Variants in FRMPD2 observed in about 807,000 individuals in gnomAD.
The protein encoded by FRMPD2 is FERM and PDZ domain-containing protein 2.
Under a neutral mutation model 140.1 loss-of-function variants are expected in FRMPD2, and 96 were observed. That is an observed-to-expected ratio of 0.69 (90% CI 0.58 to 0.81). The LOEUF is 0.81. Among genes scored for constraint, FRMPD2 ranks in the 40% least tolerant of loss-of-function variants. The pLI, the probability that FRMPD2 is intolerant of heterozygous loss-of-function variation, is 0.00. For missense variants in FRMPD2, 1,240 were observed against 1,447.4 expected, an observed-to-expected ratio of 0.86 and a Z score of 2.32; for synonymous variants, 449 against 547.6, an observed-to-expected ratio of 0.82 and a Z score of 2.52.
intron 12 of FRMPD2, among the ~76,000 whole-genome samples, chr10:48,217,718 A>G (rs1839483909): frequency 6.6e-6 from 1 of 152,162 alleles, no homozygotes; most frequent in Admixed American, 6.5e-5. Flanking sequence ...AAAATTTTAC[A>G]ACCCACTGTT....
At chr10:48,256,558 G>T (rs1840494708) in intron 1 of FRMPD2, among the ~76,000 whole-genome samples, 1 of 152,124 alleles carries the variant, frequency 6.6e-6, no homozygotes. Context: ...TAGCGAGATT[G>T]ACAACCCTCT....
intron 8 of FRMPD2, among the ~76,000 whole-genome samples, chr10:48,237,243 G>A (rs1178640929): frequency 6.6e-6 from 1 of 152,142 alleles, no homozygotes; most frequent in Non-Finnish European, 1.5e-5. Context: ...TGTCCCAAGA[G>A]GCCAAAATTC....
chr10:48,180,675 G>A lies in FRMPD2; in HGVS notation c.2790+128C>T, dbSNP rs1201201214. The A allele has an allele frequency of 1.1e-5, 9 of 802,006 alleles. No individual in the cohort carries two copies. In the Admixed American group the frequency reaches 1.3e-4, roughly 12 times the overall value. 49.7% of individuals were successfully genotyped at this position (802,006 alleles called of 1,614,324 possible). A position where few individuals can be genotyped will look rare whatever the true frequency, so the allele number is the denominator to read the frequency against. Reference sequence around the variant, plus strand: ...CAAATGAGGAAGCTGTGGCTCAAAGGGGCTAAGTAACTTCCATCCACCTGA... The same window carrying A: ...CAAATGAGGAAGCTGTGGCTCAAAGAGGCTAAGTAACTTCCATCCACCTGA... On this transcript the variant is annotated intron_variant, in intron 21 of 28. Transcript: ENST00000374201.
At chr10:48,176,746 C>T (rs1838419320) in intron 22 of FRMPD2, among the ~76,000 whole-genome samples, 2 of 151,822 alleles carry the variant, frequency 1.3e-5, no homozygotes, top group South Asian at 4.2e-4. Context: ...AGGCTGTTAC[C>T]CCAAGCCAAG....
At position 48,184,799 on chromosome 10, in the gene FRMPD2, T is replaced by C. The variant is rs1838639333; in HGVS notation, c.2442A>G (p.Ala814=). 1.9e-6 allele frequency: 3 copies of C among 1,613,712 alleles called. No individual in the cohort carries two copies. Among genetic ancestry groups the C allele is most frequent in the Non-Finnish European group, 2.5e-6 (3 of 1,179,864 alleles). ...CTGGTTTGATCGTTTTTGCTTTTTCTGCTGGTCCTCCAGGTATAATAGAAG... is the reference window on the plus strand; with the variant it reads ...CTGGTTTGATCGTTTTTGCTTTTTCCGCTGGTCCTCCAGGTATAATAGAAG... ...FISSIIPGGP[A]EKAKTIKPGG... Residue 814 remains alanine (A), a synonymous_variant, in exon 19 of 29, where the codon GCA becomes GCG. Transcript: ENST00000374201.
rs1588847463 is a variant in FRMPD2 at position 48,238,036 on chromosome 10, C to A, written c.876G>T (p.Trp292Cys). 1.2e-6 allele frequency: 2 copies of A among 1,614,152 alleles called. No individual in the cohort carries two copies. Among genetic ancestry groups the A allele is most frequent in the Non-Finnish European group, 1.7e-6 (2 of 1,180,036 alleles). The change falls in exon 8 of 29, where the codon TGG becomes TGT. Residue 292 changes from tryptophan to cysteine, a missense_variant. Coordinates refer to ENST00000374201, the MANE Select transcript of FRMPD2 (RefSeq NM_001018071.4). The stretch of plus-strand genomic sequence containing the variant: ...AACCCCTCTGAGAAGGAGTTGTTGG[C>A]CATGAGCTGTCTGCTGCCGAGTGCA... Reference protein sequence around the residue: ...GSVHSAADSSWPTTPSQRGFL... With the variant: ...GSVHSAADSSCPTTPSQRGFL...
chr10:48,175,366 G>T (rs1157213354), intron 23 of FRMPD2, among the ~76,000 whole-genome samples: 1 of 152,030 alleles, frequency 6.6e-6, no homozygotes, highest in East Asian at 1.9e-4. Context: ...GAATTCTAGG[G>T]GAAATGGAGA....
intron 1 of FRMPD2, among the ~76,000 whole-genome samples, chr10:48,257,524 C>T (rs1840512508): frequency 1.3e-5 from 2 of 152,284 alleles, no homozygotes; most frequent in South Asian, 2.1e-4. Context: ...AAGTGATCCG[C>T]TCTCCTCAGC....
intron 21 of FRMPD2, among the ~76,000 whole-genome samples, chr10:48,180,434 T>G (rs1191915814): frequency 2.6e-5 from 4 of 152,146 alleles, no homozygotes; most frequent in Admixed American, 2.0e-4. Context: ...TGAGGACCAA[T>G]TCAAGGACAA....
intron 10 of FRMPD2, 97 bp from the exon 11 acceptor site, chr10:48,223,367 C>T (rs961465212): frequency 2.4e-5 from 30 of 1,256,704 alleles, no homozygotes; most frequent in Non-Finnish European, 2.7e-5. Flanking sequence ...GTGTCACACA[C>T]GAGCTGGGTG....
Position 48,201,296 on chromosome 10 carries a change from T to A in FRMPD2, c.1886A>T (p.Asp629Val). The change falls in exon 15 of 29, where the codon GAC (aspartate) becomes GTC (valine). Residue 629 changes from aspartate (D) to valine (V), a missense_variant. Transcript: ENST00000374201. ...DSAKTSKYLL[D>V]LCSAQHGFNA... is the part of the protein sequence containing the mutation. ...AAACCCATGCTGGGCTGAGCAGAGG[T>A]CCAGTAAGTATTTACTGGTCTTGGC... 6.2e-7 allele frequency: 1 copy of A among 1,613,692 alleles called. No individual in the cohort carries two copies.
intron 1 of FRMPD2, among the ~76,000 whole-genome samples, chr10:48,263,036 G>A (rs534617241): frequency 6.6e-6 from 1 of 152,028 alleles, no homozygotes; most frequent in East Asian, 1.9e-4. Flanking sequence ...TCAACTATTT[G>A]GAGATTAAAC....
chr10:48,188,421 C>A (rs535055862), intron 16 of FRMPD2, among the ~76,000 whole-genome samples: 2 of 152,326 alleles, frequency 1.3e-5, no homozygotes, highest in African/African-American at 4.8e-5. Context: ...GATGAGGCCT[C>A]ACTCTGACTT....
At chr10:48,233,905 C>T (rs931197257) in intron 9 of FRMPD2, among the ~76,000 whole-genome samples, 1 of 152,174 alleles carries the variant, frequency 6.6e-6, no homozygotes, top group African/African-American at 2.4e-5. Context: ...CAGGCACACG[C>T]ACCCAAGGCA....
Position 48,200,291 on chromosome 10 carries a change from C to T in FRMPD2, c.1954+937G>A, listed in dbSNP as rs1381323086. Among the ~76,000 whole-genome samples the T allele has an allele frequency of 1.7e-4, 26 of 152,156 alleles. 1 individual carries two copies. Among genetic ancestry groups the T allele is most frequent in the Admixed American group, 1.5e-3 (23 of 15,280 alleles). ...CCCTTCTGTTTAACATTGGGACTTG[C>T]AGAGCTCACCTGAACCAACCAATCA... is the stretch of plus-strand genomic sequence containing the variant. On this transcript the variant is annotated intron_variant, in intron 15 of 28. Coordinates refer to ENST00000374201, the MANE Select transcript of FRMPD2 (RefSeq NM_001018071.4).
At chr10:48,166,215 T>TC (rs1371251154) in intron 27 of FRMPD2, among the ~76,000 whole-genome samples, 4 of 123,272 alleles carry the variant, frequency 3.2e-5, no homozygotes, top group Admixed American at 3.2e-4. Flanking sequence ...TACCACCATT[T>TC]CCCCAAGGCT....
chr10:48,221,444 G>T (rs920385934), intron 12 of FRMPD2, among the ~76,000 whole-genome samples: 1 of 152,156 alleles, frequency 6.6e-6, no homozygotes, highest in Non-Finnish European at 1.5e-5. Context: ...GGAAAGGGTT[G>T]GGAGGATGAG....
At chr10:48,202,346 A>G in intron 14 of FRMPD2, among the ~76,000 whole-genome samples, 1 of 152,138 alleles carries the variant, frequency 6.6e-6, no homozygotes, top group East Asian at 1.9e-4. Flanking sequence ...ATCTCTTTTA[A>G]TTCCTGATAG....
In FRMPD2 at chr10:48,170,622, T is replaced by C. The variant is rs568362110; in HGVS notation, c.3438+372A>G. Among the ~76,000 whole-genome samples the C allele has an allele frequency of 2.7e-3, 406 of 150,718 alleles. 6 individuals are homozygous for C. The highest frequency in any genetic ancestry group is 1.7e-3 in the Non-Finnish European group (113 of 67,442). On this transcript the variant is annotated intron_variant, in intron 26 of 28. Transcript: ENST00000374201. ...ACAGGACAATCAGTGTAATAATGTA[T>C]GAAAAGCTGTAAATGTGTTGAGAAA... is the stretch of plus-strand genomic sequence containing the variant.
Sources: allele counts gnomAD v4.1 joint callset (sites outside exome capture counted in the v4.1 genomes callset), GRCh38; gene constraint gnomAD v4.1.1; transcripts MANE v1.5; gene names NCBI Gene and HGNC (gene_info 2026-07-23, HGNC 2026-07-21).